CABCOCO1: variants seen among roughly 807,000 people sequenced by gnomAD.
CABCOCO1 encodes ciliary associated calcium binding coiled-coil 1.
CABCOCO1 carries 28 observed loss-of-function variants against 35.7 expected under a neutral mutation model. The observed-to-expected ratio is 0.78, with a 90% CI of 0.58 to 1.07. The LOEUF (loss-of-function observed/expected upper bound fraction) is 1.07. CABCOCO1 is among the 50% of genes least tolerant of loss of function. The pLI is 0.00. For missense variants in CABCOCO1, 326 were observed against 309.2 expected (o/e 1.05, Z -0.41); for synonymous variants, 95 against 100.1 (o/e 0.95, Z 0.30).
At chr10:61,745,065 CATAA>C (rs967171847) in intron 5 of CABCOCO1, among the ~76,000 whole-genome samples, 1 of 152,258 alleles carries the variant, frequency 6.6e-6, no homozygotes, top group African/African-American at 2.4e-5. Context: ...GAAAGGACTA[CATAA>C]ATGTCAGTAG....
intron 5 of CABCOCO1, among the ~76,000 whole-genome samples, chr10:61,748,081 G>T (rs1841702463): frequency 6.6e-6 from 1 of 152,014 alleles, no homozygotes; most frequent in Admixed American, 6.6e-5. Context: ...AAAAGCCAAG[G>T]AGCAGGACTG....
chr10:61,695,882 C>T (rs10761588), intron 5 of CABCOCO1, among the ~76,000 whole-genome samples: 117,617 of 151,864 alleles, frequency 0.77, 46,321 homozygotes, highest in Middle Eastern at 0.95. Flanking sequence ...ATTTTTAGAT[C>T]AAAAAAATAA....
chr10:61,735,721 G>T (rs1399399479), intron 5 of CABCOCO1, among the ~76,000 whole-genome samples: 1 of 152,124 alleles, frequency 6.6e-6, no homozygotes, highest in Non-Finnish European at 1.5e-5. Context: ...GAGAAGAGAA[G>T]AATATGTAAC....
chr10:61,755,731 A>G (rs2675635), intron 5 of CABCOCO1, among the ~76,000 whole-genome samples: 139,947 of 152,006 alleles, frequency 0.92, 64,460 homozygotes, highest in Middle Eastern at 0.95. Context: ...AACACTACAC[A>G]CAAATCACTA....
chr10:61,672,511 T>C (rs1349979542), intron 1 of CABCOCO1, among the ~76,000 whole-genome samples, 121 bp from the exon 2 acceptor site: 1 of 152,230 alleles, frequency 6.6e-6, no homozygotes. Flanking sequence ...TCGAAGATTG[T>C]TGTTTTTAAA....
rs975719101 is a variant in CABCOCO1 at position 61,691,422 on chromosome 10, T to G, written c.552+801T>G. ...TGGAGACACTTTCAAACAAACTTACTTATAATCACATATTTGTAATTCCTA... is the reference window on the plus strand; with the variant it reads ...TGGAGACACTTTCAAACAAACTTACGTATAATCACATATTTGTAATTCCTA... On this transcript the variant is annotated intron_variant, in intron 5 of 7. Transcript: ENST00000648843. Among the ~76,000 whole-genome samples the G allele has an allele frequency of 2.7e-4, 41 of 152,306 alleles. No individual in the cohort carries two copies. In the South Asian group the frequency reaches 6.4e-3, roughly 24 times the overall value.
At chr10:61,700,208 G>A (rs1196289471) in intron 5 of CABCOCO1, among the ~76,000 whole-genome samples, 1 of 151,844 alleles carries the variant, frequency 6.6e-6, no homozygotes, top group African/African-American at 2.4e-5. Context: ...TAATATTATT[G>A]ACTATATCAA....
chr10:61,703,563 G>A (rs1380531577), intron 5 of CABCOCO1, among the ~76,000 whole-genome samples: 1 of 152,036 alleles, frequency 6.6e-6, no homozygotes, highest in Admixed American at 6.6e-5. Flanking sequence ...TTTCTTCTAT[G>A]AAGACTTTTC....
chr10:61,723,708 C>A (rs546031771), intron 5 of CABCOCO1, among the ~76,000 whole-genome samples: 1 of 152,250 alleles, frequency 6.6e-6, no homozygotes, highest in East Asian at 1.9e-4. Context: ...TCTAGTGTCT[C>A]TTTTAATAAG....
intron 4 of CABCOCO1, among the ~76,000 whole-genome samples, chr10:61,686,543 T>C (rs1322443200): frequency 6.6e-6 from 1 of 152,190 alleles, no homozygotes; most frequent in African/African-American, 2.4e-5. Context: ...CAGCTGCAAT[T>C]ATAATAGACT....
intron 5 of CABCOCO1, among the ~76,000 whole-genome samples, chr10:61,732,534 T>C (rs1353554482): frequency 1.3e-5 from 2 of 152,098 alleles, no homozygotes; most frequent in African/African-American, 4.8e-5. Flanking sequence ...CTTTAACTTT[T>C]TACCAGTCTT....
At chr10:61,734,552 C>A (rs1199512307) in intron 5 of CABCOCO1, among the ~76,000 whole-genome samples, 2 of 151,802 alleles carry the variant, frequency 1.3e-5, no homozygotes. Context: ...AAGAGAAAAA[C>A]CAGGAAGTTT....
chr10:61,680,315 A>T (rs886492409), intron 2 of CABCOCO1, among the ~76,000 whole-genome samples: 2 of 114,182 alleles, frequency 1.8e-5, no homozygotes, highest in African/African-American at 7.4e-5. Flanking sequence ...TGTCTCAAAA[A>T]AAATATATAT....
chr10:61,672,818 C>T, intron 2 of CABCOCO1, 83 bp downstream of exon 2: 3 of 845,022 alleles, frequency 3.6e-6, no homozygotes, highest in Non-Finnish European at 4.3e-6. Context: ...CATGTATAAG[C>T]TTTTTTCACA....
intron 5 of CABCOCO1, among the ~76,000 whole-genome samples, chr10:61,722,739 A>G (rs896897214): frequency 2.0e-5 from 3 of 152,058 alleles, no homozygotes; most frequent in South Asian, 4.1e-4. Flanking sequence ...ATTAAAGGAT[A>G]AGCACCAATA....
chr10:61,748,127 G>A (rs1423384694), intron 5 of CABCOCO1, among the ~76,000 whole-genome samples: 1 of 151,414 alleles, frequency 6.6e-6, no homozygotes, highest in Non-Finnish European at 1.5e-5. Context: ...TGTATAGGTT[G>A]TATTGGGGAG....
At chr10:61,686,206 C>T (rs764457448) in intron 4 of CABCOCO1, 21 bp downstream of exon 4, 2 of 1,502,402 alleles carry the variant, frequency 1.3e-6, no homozygotes, top group African/African-American at 1.5e-5. Flanking sequence ...TTTTCAGTAA[C>T]ATTTATTTTT....
intron 5 of CABCOCO1, among the ~76,000 whole-genome samples, chr10:61,718,315 G>T (rs777996864): frequency 5.3e-5 from 8 of 152,110 alleles, no homozygotes; most frequent in Non-Finnish European, 1.0e-4. Context: ...CAAAGTCAGG[G>T]TCAGGAGGCA....
At chr10:61,677,068 AAATAAT>A (rs60978110) in intron 2 of CABCOCO1, among the ~76,000 whole-genome samples, 1 of 144,302 alleles carries the variant, frequency 6.9e-6, no homozygotes, top group African/African-American at 2.5e-5. Context: ...CTGTCTCAAA[AAATAAT>A]AATAATAATA....
Sources: allele counts gnomAD v4.1 joint callset (sites outside exome capture counted in the v4.1 genomes callset), GRCh38; gene constraint gnomAD v4.1.1; transcripts MANE v1.5; gene names NCBI Gene and HGNC (gene_info 2026-07-23, HGNC 2026-07-21).